DNAH12: variants seen among roughly 807,000 people sequenced by gnomAD.
DNAH12 encodes axonemal beta dynein heavy chain 12.
A neutral mutation model predicts 371.5 loss-of-function variants in DNAH12; 285 were observed. The ratio of observed to expected loss-of-function variants is 0.77; its 90% confidence interval spans 0.70 to 0.85. The LOEUF (loss-of-function observed/expected upper bound fraction) is 0.85. Among genes scored for constraint, DNAH12 ranks in the 40% least tolerant of loss-of-function variants. The pLI, the probability that DNAH12 is intolerant of heterozygous loss-of-function variation, is 0.00. For synonymous variants in DNAH12, 1,200 were observed against 1,213.0 expected, an observed-to-expected ratio of 0.99 and a Z score of 0.22; for missense variants, 3,611 against 3,689.4, an observed-to-expected ratio of 0.98 and a Z score of 0.55.
intron 40 of DNAH12, 23 bp downstream of exon 40, chr3:57,408,257 T>G (rs572680728): frequency 3.7e-5 from 56 of 1,499,256 alleles, no homozygotes; most frequent in Non-Finnish European, 4.5e-5. Context: ...TACTAAAACA[T>G]TTACATTGCA....
At chr3:57,456,539 C>G (rs537420142) in intron 22 of DNAH12, among the ~76,000 whole-genome samples, 16 of 152,234 alleles carry the variant, frequency 1.1e-4, no homozygotes, top group African/African-American at 3.9e-4. Flanking sequence ...AAATTTATGA[C>G]ATATCCCCCT....
At chr3:57,352,528 A>C (rs1355036065) in intron 59 of DNAH12, among the ~76,000 whole-genome samples, 1 of 152,176 alleles carries the variant, frequency 6.6e-6, no homozygotes, top group Non-Finnish European at 1.5e-5. Flanking sequence ...AAGTATTTTA[A>C]AATAAAAAGT....
chr3:57,439,195 GA>G (rs1360987351), intron 29 of DNAH12, among the ~76,000 whole-genome samples: 2 of 152,128 alleles, frequency 1.3e-5, no homozygotes, highest in East Asian at 3.9e-4. Context: ...CACAGAACTA[GA>G]AAAAAATTAT....
intron 24 of DNAH12, 64 bp from the exon 25 acceptor site, chr3:57,453,079 AT>A: frequency 6.7e-7 from 1 of 1,488,594 alleles, no homozygotes; most frequent in East Asian, 2.5e-5. Flanking sequence ...AAAAAGAAGT[AT>A]TTTATCTTTT....
At chr3:57,312,594 G>A (rs781223419) in intron 66 of DNAH12, among the ~76,000 whole-genome samples, 2 of 152,204 alleles carry the variant, frequency 1.3e-5, no homozygotes, top group Non-Finnish European at 2.9e-5. Context: ...GCCAATGCTG[G>A]CAGTTTCCAA....
chr3:57,310,754 G>C lies in DNAH12; in HGVS notation c.10859C>G (p.Pro3620Arg). 6.4e-7 allele frequency: 1 copy of C among 1,551,514 alleles called. No homozygotes were observed. The highest frequency in any genetic ancestry group is 8.7e-7 in the Non-Finnish European group (1 of 1,146,834). Residue 3620 changes from proline (P) to arginine (R), a missense_variant, in exon 67 of 74, where the codon CCT becomes CGT. Coordinates refer to ENST00000495027, the MANE Select transcript of DNAH12 (RefSeq NM_001366028.2). Reference sequence around the variant, plus strand: ...AATGTAGTCCTCATAAGTGCCTTTAGGAGGTGCAAAATAGTTTCCACTGGG... The same window carrying C: ...AATGTAGTCCTCATAAGTGCCTTTACGAGGTGCAAAATAGTTTCCACTGGG... Reference protein sequence around the residue: ...FSPSGNYFAPPKGTYEDYIEF... With the variant: ...FSPSGNYFAPRKGTYEDYIEF...
chr3:57,369,300 A>C (rs1161118797), intron 55 of DNAH12, among the ~76,000 whole-genome samples: 2 of 121,530 alleles, frequency 1.6e-5, no homozygotes, highest in Non-Finnish European at 3.5e-5. Context: ...TAGAATTTTA[A>C]TTATATATTA....
intron 43 of DNAH12, among the ~76,000 whole-genome samples, chr3:57,402,161 T>C (rs1440096538): frequency 1.3e-5 from 2 of 152,204 alleles, no homozygotes. Flanking sequence ...TTCATGTCTA[T>C]GTAGATAGAT....
At chr3:57,360,177 T>C (rs2062892690) in intron 58 of DNAH12, among the ~76,000 whole-genome samples, 2 of 152,214 alleles carry the variant, frequency 1.3e-5, no homozygotes, top group South Asian at 4.2e-4. Flanking sequence ...TGGACGGGTA[T>C]TGGGAAAGGA....
Position 57,468,717 on chromosome 3 carries a change from T to C in DNAH12, c.2349+19A>G. The C allele has an allele frequency of 7.7e-7, 1 of 1,301,566 alleles. No homozygotes were observed. Among genetic ancestry groups the C allele is most frequent in the Non-Finnish European group, 1.0e-6 (1 of 1,001,854 alleles). 80.6% of individuals were successfully genotyped at this position (1,301,566 alleles called of 1,614,324 possible). On this transcript the variant is annotated intron_variant, in intron 17 of 73. Coordinates refer to ENST00000495027, the MANE Select transcript of DNAH12 (RefSeq NM_001366028.2). Reference sequence around the variant, plus strand: ...AGAAGATAGCTATAATATTAAAATGTTATTATATATATTTATACCTTAAAA... The same window carrying C: ...AGAAGATAGCTATAATATTAAAATGCTATTATATATATTTATACCTTAAAA...
rs2065432164 is a variant in DNAH12 at position 57,444,900 on chromosome 3, G to GCCCCA, written c.4426-89_4426-85dup. 2.3e-6 allele frequency: 3 copies of GCCCCA among 1,332,968 alleles called. No homozygotes were observed. The African/African-American group carries it at 6.5e-5, about 29-fold the overall frequency. The allele number at this position is 1,332,968 out of a possible 1,614,324, so 82.6% of individuals were successfully genotyped here. A position where few individuals can be genotyped will look rare whatever the true frequency, so the allele number is the denominator to read the frequency against. On this transcript the variant is annotated intron_variant, in intron 28 of 73. Transcript: ENST00000495027. Reference sequence around the variant, plus strand: ...CTCCCTCCCCTCCCAGCCCCGGCCTGCCCCACCCCACCCCCCTGGCTAAAA... The same window carrying GCCCCA: ...CTCCCTCCCCTCCCAGCCCCGGCCTGCCCCACCCCACCCCACCCCCCTGGCTAAAA...
rs1015780690 is a variant in DNAH12 at position 57,430,239 on chromosome 3, T to TA, written c.4981-466dup. Among the ~76,000 whole-genome samples the TA allele has an allele frequency of 3.3e-4, 50 of 152,232 alleles. 1 individual carries two copies. Among genetic ancestry groups the TA allele is most frequent in the Admixed American group, 2.5e-3 (39 of 15,296 alleles). ...TTTTGCCATATTGCCATTACCTTTTTAAAAAAACAGTTTAAAGAGCATTAT... is the reference window on the plus strand; with the variant it reads ...TTTTGCCATATTGCCATTACCTTTTTAAAAAAAACAGTTTAAAGAGCATTAT... On this transcript the variant is annotated intron_variant, in intron 32 of 73. Transcript: ENST00000495027.
At chr3:57,300,812 T>C (rs1437278315) in intron 70 of DNAH12, among the ~76,000 whole-genome samples, 2 of 152,030 alleles carry the variant, frequency 1.3e-5, no homozygotes, top group Admixed American at 6.6e-5. Context: ...AAAAAATAGT[T>C]TTGGGATTCT....
At chr3:57,348,582 G>T (rs2062600205) in intron 60 of DNAH12, among the ~76,000 whole-genome samples, 1 of 152,098 alleles carries the variant, frequency 6.6e-6, no homozygotes, top group South Asian at 2.1e-4. Context: ...AGTGCAGGAG[G>T]TTGTACATAA....
intron 58 of DNAH12, among the ~76,000 whole-genome samples, 152 bp from the exon 59 acceptor site, chr3:57,357,500 C>T (rs1445160888): frequency 6.6e-6 from 1 of 150,484 alleles, no homozygotes; most frequent in East Asian, 1.9e-4. Flanking sequence ...CTTTATCATA[C>T]TAAAAGCCAG....
chr3:57,341,787 G>GA (rs1212891344), intron 60 of DNAH12, among the ~76,000 whole-genome samples: 1 of 151,496 alleles, frequency 6.6e-6, no homozygotes, highest in African/African-American at 2.4e-5. Flanking sequence ...ATGGAACCAC[G>GA]AAAGACCGCA....
intron 45 of DNAH12, among the ~76,000 whole-genome samples, chr3:57,387,569 A>G (rs960803431): frequency 1.3e-5 from 2 of 152,090 alleles, no homozygotes; most frequent in Non-Finnish European, 2.9e-5. Context: ...CCCACCCAAT[A>G]TCTACTAGCC....
intron 43 of DNAH12, among the ~76,000 whole-genome samples, 158 bp from the exon 44 acceptor site, chr3:57,394,490 C>T (rs896554007): frequency 1.3e-5 from 2 of 152,178 alleles, no homozygotes; most frequent in Non-Finnish European, 2.9e-5. Context: ...CCACTGCCTC[C>T]GTCCCCTGGG....
At chr3:57,470,680 T>C (rs1051134461) in intron 15 of DNAH12, 44 bp from the exon 16 acceptor site, 16 of 1,430,240 alleles carry the variant, frequency 1.1e-5, no homozygotes, top group African/African-American at 4.4e-5. Context: ...ATTCAAGTAA[T>C]GTTATAAAAA....
Sources: gnomAD v4.1 joint callset for allele counts (sites outside exome capture counted in the v4.1 genomes callset) on GRCh38, gnomAD v4.1.1 for gene constraint, MANE v1.5 for transcripts, NCBI Gene and HGNC (gene_info 2026-07-23, HGNC 2026-07-21) for gene names.